The following SIPA1L1 variants were observed in gnomAD, a reference collection of about 807,000 sequenced individuals.
SIPA1L1 encodes the protein signal induced proliferation associated 1 like 1.
SIPA1L1 carries 26 observed loss-of-function variants against 162.7 expected under a neutral mutation model. The observed-to-expected ratio is 0.16, with a 90% confidence interval of 0.12 to 0.22. SIPA1L1 has a LOEUF of 0.22. Ranked by LOEUF, SIPA1L1 falls within the 10% of genes least tolerant of loss-of-function variation. The pLI, the probability that SIPA1L1 is intolerant of heterozygous loss-of-function variation, is 1.00. For synonymous variants in SIPA1L1, 829 were observed against 837.4 expected, an observed-to-expected ratio of 0.99 and a Z score of 0.17; for missense variants, 1,874 against 2,241.0, an observed-to-expected ratio of 0.84 and a Z score of 3.31.
At chr14:71,333,728 C>T (rs2034798289) in intron 2 of SIPA1L1, among the ~76,000 whole-genome samples, 1 of 152,132 alleles carries the variant, frequency 6.6e-6, no homozygotes, top group African/African-American at 2.4e-5. Context: ...GATGGGAAGC[C>T]ACTGGAGGGT....
At chr14:71,370,960 A>C (rs2038833090) in intron 2 of SIPA1L1, among the ~76,000 whole-genome samples, 1 of 152,176 alleles carries the variant, frequency 6.6e-6, no homozygotes, top group African/African-American at 2.4e-5. Flanking sequence ...AATAAAAGTG[A>C]TATACATTAA....
intron 12 of SIPA1L1, among the ~76,000 whole-genome samples, chr14:71,681,388 A>T (rs1212027120): frequency 6.6e-6 from 1 of 152,204 alleles, no homozygotes; most frequent in Non-Finnish European, 1.5e-5. Flanking sequence ...AGAGTGGTCA[A>T]CCCTTTATTC....
At chr14:71,500,472 A>G (rs933092991) in intron 2 of SIPA1L1, among the ~76,000 whole-genome samples, 1 of 152,214 alleles carries the variant, frequency 6.6e-6, no homozygotes, top group Non-Finnish European at 1.5e-5. Context: ...AGAACAAATG[A>G]AAAAGATAAC....
At chr14:71,592,663 A>G (rs2035550862) in intron 5 of SIPA1L1, among the ~76,000 whole-genome samples, 1 of 152,204 alleles carries the variant, frequency 6.6e-6, no homozygotes, top group Admixed American at 6.5e-5. Flanking sequence ...GTACTTTACT[A>G]AAGTATGCTA....
At chr14:71,599,255 A>T (rs2036435518) in intron 5 of SIPA1L1, among the ~76,000 whole-genome samples, 1 of 145,852 alleles carries the variant, frequency 6.9e-6, no homozygotes, top group Non-Finnish European at 1.5e-5. Flanking sequence ...GGTTCAAGTG[A>T]TTCTCCTGCC....
At chr14:71,636,420 A>G (rs1311200000) in intron 7 of SIPA1L1, among the ~76,000 whole-genome samples, 1 of 152,192 alleles carries the variant, frequency 6.6e-6, no homozygotes, top group African/African-American at 2.4e-5. Flanking sequence ...CTTGGAAACT[A>G]AAAAAACAGA....
chr14:71,586,264 A>G (rs2034593296), intron 4 of SIPA1L1: 1 of 146,016 alleles, frequency 6.8e-6, no homozygotes, highest in Non-Finnish European at 1.5e-5. Flanking sequence ...TACATGTTCC[A>G]GCCTTTAAAT....
intron 2 of SIPA1L1, among the ~76,000 whole-genome samples, chr14:71,347,175 G>A (rs1251537312): frequency 6.6e-6 from 1 of 151,498 alleles, no homozygotes; most frequent in East Asian, 1.9e-4. Context: ...TGGCCAGGCT[G>A]GTCTTGAACT....
intron 18 of SIPA1L1, 120 bp from the exon 19 acceptor site, chr14:71,724,550 T>C (rs937020761): frequency 2.8e-6 from 2 of 719,660 alleles, no homozygotes; most frequent in Admixed American, 6.7e-5. Context: ...AGTAATTATC[T>C]GTTTCTCCAC....
intron 5 of SIPA1L1, chr14:71,598,302 G>A: frequency 3.6e-6 from 3 of 831,742 alleles, no homozygotes; most frequent in Non-Finnish European, 4.3e-6. Flanking sequence ...GGAGAAATGG[G>A]AGGAGAAGCA....
intron 7 of SIPA1L1, among the ~76,000 whole-genome samples, chr14:71,633,830 G>C (rs971399022): frequency 6.6e-6 from 1 of 152,102 alleles, no homozygotes; most frequent in African/African-American, 2.4e-5. Flanking sequence ...AGAGCTTCAC[G>C]GTTTGTGGGG....
chr14:71,437,201 A>T (rs547308079), intron 2 of SIPA1L1, among the ~76,000 whole-genome samples: 52 of 152,116 alleles, frequency 3.4e-4, no homozygotes, highest in African/African-American at 1.1e-3. Flanking sequence ...ATCTGCTTTT[A>T]AAAAAAAGTT....
chr14:71,392,114 C>T (rs1157693866), intron 2 of SIPA1L1, among the ~76,000 whole-genome samples: 1 of 152,156 alleles, frequency 6.6e-6, no homozygotes, highest in Non-Finnish European at 1.5e-5. Flanking sequence ...CAAGAGGAAG[C>T]CAGAGAGGCT....
chr14:71,685,741 A>G, intron 13 of SIPA1L1, 110 bp downstream of exon 13: 5 of 1,361,464 alleles, frequency 3.7e-6, no homozygotes, highest in Non-Finnish European at 1.0e-6. Flanking sequence ...GAAACAAAGA[A>G]TTAAACTGAG....
chr14:71,573,518 A>C, intron 4 of SIPA1L1: 1 of 455,238 alleles, frequency 2.2e-6, no homozygotes, highest in Non-Finnish European at 4.4e-6. Flanking sequence ...ACCTCAAGAG[A>C]AAGAGTGGAT....
chr14:71,569,908 A>G (rs555309034), intron 4 of SIPA1L1, among the ~76,000 whole-genome samples: 1 of 152,336 alleles, frequency 6.6e-6, no homozygotes, highest in South Asian at 2.1e-4. Context: ...CTGTTGATTC[A>G]GAGTCCAGGA....
intron 7 of SIPA1L1, among the ~76,000 whole-genome samples, chr14:71,639,058 A>G (rs1455000606): frequency 6.6e-6 from 1 of 152,236 alleles, no homozygotes; most frequent in Non-Finnish European, 1.5e-5. Context: ...GCATGCATCT[A>G]ACAAAACATG....
chr14:71,669,455 A>G (rs2044318008), intron 10 of SIPA1L1, among the ~76,000 whole-genome samples: 1 of 152,246 alleles, frequency 6.6e-6, no homozygotes, highest in African/African-American at 2.4e-5. Context: ...ATAGCAGATG[A>G]GAAGTTGCCA....
chr14:71,460,793 T>A (rs1418358211), intron 2 of SIPA1L1, among the ~76,000 whole-genome samples: 2 of 152,170 alleles, frequency 1.3e-5, no homozygotes, highest in East Asian at 3.9e-4. Flanking sequence ...GGAGAAACAG[T>A]ACCATATATT....
Sources: allele counts gnomAD v4.1 joint callset (sites outside exome capture counted in the v4.1 genomes callset), GRCh38; gene constraint gnomAD v4.1.1; transcripts MANE v1.5; gene names NCBI Gene and HGNC (gene_info 2026-07-23, HGNC 2026-07-21).